Variants in ZNF569 observed in about 807,000 individuals in gnomAD.
ZNF569 encodes the protein DNA-binding protein.
A neutral mutation model predicts 56.3 loss-of-function variants in ZNF569; 38 were observed. The observed-to-expected ratio is 0.68, with a 90% confidence interval of 0.52 to 0.88. The LOEUF (loss-of-function observed/expected upper bound fraction) is 0.88, where lower values mean the gene tolerates loss of function less well. ZNF569 is among the 40% of genes least tolerant of loss of function. The probability of loss-of-function intolerance (pLI) is 0.00; values close to 1 mark genes in which losing one functional copy is unlikely to be tolerated. For synonymous variants in ZNF569, 241 were observed against 262.9 expected (o/e 0.92, Z 0.81); for missense variants, 666 against 809.2 (o/e 0.82, Z 2.15).
intron 2 of ZNF569, among the ~76,000 whole-genome samples, chr19:37,459,366 G>A (rs1460116786): frequency 6.6e-6 from 1 of 151,882 alleles, no homozygotes; most frequent in African/African-American, 2.4e-5. Flanking sequence ...AAAAATTACA[G>A]CAGACTTCTT....
rs1465762276 is a variant in ZNF569 at position 37,411,359 on chromosome 19, A to G, written c.*1238T>C. On this transcript the variant is annotated 3_prime_UTR_variant, in exon 6 of 6. Coordinates refer to ENST00000316950, the MANE Select transcript of ZNF569 (RefSeq NM_152484.3). ...TTTTAATTTTTTCTCTCAATATTAT[A>G]TATTGTAATCTATCCATATAACTAT... is the stretch of plus-strand genomic sequence containing the variant. 1 of 152,128 alleles carries G rather than the reference A, an allele frequency of 6.6e-6. No individual in the cohort carries two copies. The highest frequency in any genetic ancestry group is 1.5e-5 in the Non-Finnish European group (1 of 67,978). 9.4% of individuals were successfully genotyped at this position (152,128 alleles called of 1,614,324 possible).
At position 37,413,312 on chromosome 19, in the gene ZNF569, T is replaced by C. The variant is rs745568941; in HGVS notation, c.1346A>G (p.Gln449Arg). Reference protein sequence around the residue: ...ECNECGKAFIQMSNLVRHQRI... With the variant: ...ECNECGKAFIRMSNLVRHQRI... ...CTGGTGTCTAACAAGATTTGACATC[T>C]GTATAAAAGCTTTCCCACATTCATT... Residue 449 changes from glutamine (Q) to arginine (R), a missense_variant, in exon 6 of 6, where the codon CAG (glutamine) becomes CGG (arginine). Transcript: ENST00000316950. 2 of 1,608,518 alleles carry C rather than the reference T, an allele frequency of 1.2e-6. No individual in the cohort carries two copies. The highest frequency in any genetic ancestry group is 1.7e-6 in the Non-Finnish European group (2 of 1,178,264).
In ZNF569 at chr19:37,411,699, G is replaced by T. The variant is rs1254957121; in HGVS notation, c.*898C>A. 6.6e-6 allele frequency: 1 copy of T among 151,886 alleles called. No homozygotes were observed. The highest frequency in any genetic ancestry group is 1.5e-5 in the Non-Finnish European group (1 of 67,908). 9.4% of individuals were successfully genotyped at this position (151,886 alleles called of 1,614,324 possible). On this transcript the variant is annotated 3_prime_UTR_variant, in exon 6 of 6. Transcript: ENST00000316950. ...TGGTCTTTAGTTGGATTTTATTTTT[G>T]TATATGATATAAAGTAGAAAGCTAA...
rs113627334 is a variant in ZNF569 at position 37,432,086 on chromosome 19, G to A, written c.16-5708C>T. On this transcript the variant is annotated intron_variant, in intron 3 of 5. Transcript: ENST00000316950. ...CTGGATGGCATCTCTGGACCTGCCCGTGGCTGGGGGGAACTTGCTACTCTA... is the reference window on the plus strand; with the variant it reads ...CTGGATGGCATCTCTGGACCTGCCCATGGCTGGGGGGAACTTGCTACTCTA... 3.7e-3 allele frequency among the ~76,000 whole-genome samples: 568 copies of A among 152,314 alleles called. 4 individuals are homozygous for A. The highest frequency in any genetic ancestry group is 0.013 in the African/African-American group (536 of 41,558).
chr19:37,433,626 C>G (rs755000242), intron 3 of ZNF569, among the ~76,000 whole-genome samples: 18 of 152,128 alleles, frequency 1.2e-4, no homozygotes, highest in Non-Finnish European at 7.4e-5. Flanking sequence ...AAACAACATA[C>G]CAATGGAAGC....
In ZNF569 at chr19:37,413,390, T is replaced by A; in HGVS notation, c.1268A>T (p.Lys423Ile). Residue 423 changes from lysine to isoleucine, a missense_variant, in exon 6 of 6, where the codon AAA (lysine) becomes ATA (isoleucine). Coordinates refer to ENST00000316950, the MANE Select transcript of ZNF569 (RefSeq NM_152484.3). ...AATTTTCTGGTGTGTAATGAAGTTT[T>A]TCTTGTGGCTGAAGGCTTTTCTGCA... ...KECRKAFSHK[K>I]NFITHQKIHT... 1 of 1,611,536 alleles carries A rather than the reference T, an allele frequency of 6.2e-7. No homozygotes were observed. Among genetic ancestry groups the A allele is most frequent in the Non-Finnish European group, 8.5e-7 (1 of 1,179,312 alleles).
chr19:37,453,443 C>T (rs1330754635), intron 2 of ZNF569, among the ~76,000 whole-genome samples: 2 of 152,166 alleles, frequency 1.3e-5, no homozygotes, highest in East Asian at 1.9e-4. Flanking sequence ...TGTCACCCCC[C>T]ACTCCTTCAT....
chr19:37,436,876 G>T (rs112423692), intron 3 of ZNF569, among the ~76,000 whole-genome samples: 2,591 of 152,040 alleles, frequency 0.017, 67 homozygotes, highest in African/African-American at 0.059. Context: ...CTTCACTGCT[G>T]AATTTTACTG....
upstream of ZNF569, chr19:37,467,617 C>T (rs971845725): frequency 1.8e-5 from 10 of 558,786 alleles, no homozygotes; most frequent in African/African-American, 1.5e-4. Context: ...GGCTAGAATA[C>T]AGCGGGGTGA....
chr19:37,467,928 T>A (rs2041876177), upstream of ZNF569: 1 of 1,535,992 alleles, frequency 6.5e-7, no homozygotes, highest in Non-Finnish European at 8.7e-7. Flanking sequence ...TTCTCGATTG[T>A]GAGTGTGACA....
Position 37,413,695 on chromosome 19 carries a change from A to C in ZNF569, c.963T>G (p.Thr321=). 6.2e-7 allele frequency: 1 copy of C among 1,613,900 alleles called. No individual in the cohort carries two copies. The change falls in exon 6 of 6, where the codon ACT becomes ACG. Residue 321 remains threonine, a synonymous_variant. Coordinates refer to ENST00000316950, the MANE Select transcript of ZNF569 (RefSeq NM_152484.3). ...QSLIAHQKVH[T]GEKPYACNEC... is the part of the protein sequence containing the mutation. ...CATTACATGCATAAGGTTTCTCCCC[A>C]GTATGAACTTTCTGATGTGCAATGA...
intron 5 of ZNF569, among the ~76,000 whole-genome samples, chr19:37,424,507 T>C (rs1312088577): frequency 6.6e-6 from 1 of 152,024 alleles, no homozygotes; most frequent in Admixed American, 6.6e-5. Context: ...CAATGGTCAC[T>C]TTTGTACTAC....
At chr19:37,439,747 T>C (rs751095690) in intron 3 of ZNF569, among the ~76,000 whole-genome samples, 20 of 152,310 alleles carry the variant, frequency 1.3e-4, no homozygotes, top group Middle Eastern at 3.4e-3. Context: ...GAGCCTATCA[T>C]TTGCAACAAC....
intron 3 of ZNF569, among the ~76,000 whole-genome samples, chr19:37,438,200 A>G (rs752568538): frequency 5.9e-5 from 9 of 152,090 alleles, no homozygotes; most frequent in Non-Finnish European, 1.0e-4. Flanking sequence ...TGGGAGTTTG[A>G]GTCCTGGGCA....
At chr19:37,432,167 G>C (rs553450881) in intron 3 of ZNF569, among the ~76,000 whole-genome samples, 1 of 152,204 alleles carries the variant, frequency 6.6e-6, no homozygotes, top group South Asian at 2.1e-4. Flanking sequence ...AGAGTGATAG[G>C]GCCTTCAGTG....
intron 2 of ZNF569, among the ~76,000 whole-genome samples, chr19:37,451,007 T>A (rs535450333): frequency 1.3e-5 from 2 of 152,352 alleles, no homozygotes; most frequent in African/African-American, 2.4e-5. Flanking sequence ...TATTTTAAAA[T>A]TTTTTAACAT....
At chr19:37,454,079 A>G (rs1245958402) in intron 2 of ZNF569, among the ~76,000 whole-genome samples, 1 of 152,048 alleles carries the variant, frequency 6.6e-6, no homozygotes, top group African/African-American at 2.4e-5. Context: ...ATGCTGGTCT[A>G]TTCAATAGCT....
intron 5 of ZNF569, among the ~76,000 whole-genome samples, chr19:37,416,076 T>C (rs1168269913): frequency 6.7e-6 from 1 of 150,272 alleles, no homozygotes; most frequent in Non-Finnish European, 1.5e-5. Context: ...CTACAAAAGA[T>C]ACAAAAATTA....
intron 2 of ZNF569, among the ~76,000 whole-genome samples, chr19:37,457,056 A>G (rs902024313): frequency 1.6e-4 from 5 of 32,116 alleles, no homozygotes; most frequent in South Asian, 3.1e-3. Flanking sequence ...TAAAACCCTT[A>G]ATCTATATTC....
Sources: gnomAD v4.1 joint callset for allele counts (sites outside exome capture counted in the v4.1 genomes callset) on GRCh38, gnomAD v4.1.1 for gene constraint, MANE v1.5 for transcripts, NCBI Gene and HGNC (gene_info 2026-07-23, HGNC 2026-07-21) for gene names.